CYP2C19: variants seen among roughly 807,000 people sequenced by gnomAD.
The protein encoded by CYP2C19 is cytochrome P450 2C19.
A neutral mutation model predicts 40.9 loss-of-function variants in CYP2C19; 59 were observed. That is an observed-to-expected ratio of 1.44 (90% confidence interval 1.17 to 1.79). CYP2C19 has a LOEUF of 1.79. Ranked by LOEUF, CYP2C19 falls within the 40% of genes most tolerant of loss-of-function variation. The pLI, the probability that CYP2C19 is intolerant of heterozygous loss-of-function variation, is 0.00. For synonymous variants in CYP2C19, 253 were observed against 208.7 expected (o/e 1.21, Z -1.83); for missense variants, 754 against 596.9 (o/e 1.26, Z -2.74).
At chr10:94,794,046 A>C (rs1461419884) in intron 5 of CYP2C19, among the ~76,000 whole-genome samples, 1 of 152,120 alleles carries the variant, frequency 6.6e-6, no homozygotes, top group Non-Finnish European at 1.5e-5. Context: ...AACCTACTCA[A>C]GCCTCAGAAG....
chr10:94,826,471 G>A (rs1380439474), intron 6 of CYP2C19, among the ~76,000 whole-genome samples: 3 of 152,148 alleles, frequency 2.0e-5, no homozygotes, highest in African/African-American at 4.8e-5. Flanking sequence ...TCTATTGTTG[G>A]TGTATAAGAA....
chr10:94,797,585 C>T (rs1848707009), intron 5 of CYP2C19, among the ~76,000 whole-genome samples: 1 of 151,940 alleles, frequency 6.6e-6, no homozygotes, highest in East Asian at 1.9e-4. Context: ...CTTGGTACCT[C>T]TGGTAGAATT....
At chr10:94,840,460 G>A (rs554066441) in intron 6 of CYP2C19, among the ~76,000 whole-genome samples, 9 of 151,834 alleles carry the variant, frequency 5.9e-5, no homozygotes, top group African/African-American at 7.3e-5. Context: ...AGGATGCAGC[G>A]TAGAGACTCC....
chr10:94,815,765 A>G (rs1848992591), intron 5 of CYP2C19, among the ~76,000 whole-genome samples: 1 of 152,170 alleles, frequency 6.6e-6, no homozygotes, highest in Admixed American at 6.5e-5. Context: ...TTGTAAACTC[A>G]TTCTCTTTCT....
rs1848394132 is a variant in CYP2C19, at chr10:94,775,417, G to A, written c.359G>A (p.Trp120Ter). ...FGIVFSNGKRWKEIRRFSLMT... is the reference protein window; with the variant it reads ...FGIVFSNGKR ...ATCGTTTTCAGCAATGGAAAGAGATGGAAGGAGATCCGGCGTTTCTCCCTC... is the reference window on the plus strand; with the variant it reads ...ATCGTTTTCAGCAATGGAAAGAGATAGAAGGAGATCCGGCGTTTCTCCCTC... Residue 120 changes from tryptophan (W) to a stop codon, truncating the protein, a stop_gained, in exon 3 of 9, where the codon TGG (tryptophan) becomes TAG (stop). Transcript: ENST00000371321. LOFTEE classifies it high-confidence loss of function. 1.2e-6 allele frequency: 2 copies of A among 1,613,968 alleles called. No homozygotes were observed.
intron 6 of CYP2C19, among the ~76,000 whole-genome samples, chr10:94,841,202 G>A (rs1484895345): frequency 6.6e-6 from 1 of 152,202 alleles, no homozygotes; most frequent in African/African-American, 2.4e-5. Context: ...GTGGGTCATG[G>A]AAGAGAACCG....
chr10:94,795,812 G>T (rs900049096), intron 5 of CYP2C19, among the ~76,000 whole-genome samples: 2 of 152,094 alleles, frequency 1.3e-5, no homozygotes, highest in African/African-American at 4.8e-5. Context: ...CTTTTGAGAA[G>T]TGTCTGTTCA....
At chr10:94,793,457 A>G (rs1393250790) in intron 5 of CYP2C19, among the ~76,000 whole-genome samples, 2 of 151,876 alleles carry the variant, frequency 1.3e-5, no homozygotes, top group Non-Finnish European at 2.9e-5. Context: ...GAATTTTCAG[A>G]TTTTCTGCTC....
chr10:94,775,280 A>T (rs1848391977), intron 2 of CYP2C19, 60 bp downstream of exon 2: 1 of 1,613,006 alleles, frequency 6.2e-7, no homozygotes, highest in African/African-American at 1.3e-5. Context: ...TGGAAAACAG[A>T]CTAGCAGAGC....
chr10:94,826,889 A>G (rs570293053), intron 6 of CYP2C19, among the ~76,000 whole-genome samples: 10 of 152,182 alleles, frequency 6.6e-5, no homozygotes, highest in Middle Eastern at 3.4e-3. Context: ...ATTTTGTCAA[A>G]GGCCTTTTCT....
Position 94,820,482 on chromosome 10 carries a change from C to T in CYP2C19, c.820-14C>T, listed in dbSNP as rs374921412. 2 of 1,613,854 alleles carry T rather than the reference C, an allele frequency of 1.2e-6. No homozygotes were observed. The highest frequency in any genetic ancestry group is 1.7e-6 in the Non-Finnish European group (2 of 1,179,826). On this transcript the variant is annotated splice_polypyrimidine_tract_variant and intron_variant, in intron 5 of 8. Coordinates refer to ENST00000371321, the MANE Select transcript of CYP2C19 (RefSeq NM_000769.4). ...TAAATAATTTGTCAGATAATTGCATCAAATCATTCCTAGGAAAAGCAAAAC... is the reference window on the plus strand; with the variant it reads ...TAAATAATTTGTCAGATAATTGCATTAAATCATTCCTAGGAAAAGCAAAAC...
In CYP2C19 at chr10:94,790,222, T is replaced by C. The variant is rs1382881385; in HGVS notation, c.819+8225T>C. Reference sequence around the variant, plus strand: ...TATCCTGAGACTTTGCTGAAGTTACTTAACAATTTAAGGGGTTTTGGGCTG... The same window carrying C: ...TATCCTGAGACTTTGCTGAAGTTACCTAACAATTTAAGGGGTTTTGGGCTG... On this transcript the variant is annotated intron_variant, in intron 5 of 8. Coordinates refer to ENST00000371321, the MANE Select transcript of CYP2C19 (RefSeq NM_000769.4). Among the ~76,000 whole-genome samples, 3 of 152,176 alleles carry C rather than the reference T, an allele frequency of 2.0e-5. No individual in the cohort carries two copies. The East Asian group carries it at 5.8e-4, about 29-fold the overall frequency.
chr10:94,775,487 C>T lies in CYP2C19; in HGVS notation c.429C>T (p.Asp143=), dbSNP rs752946864. The change falls in exon 3 of 9, where the codon GAC becomes GAT. Residue 143 remains aspartate, a synonymous_variant. Transcript: ENST00000371321. Reference sequence around the variant, plus strand: ...GGATGGGGAAGAGGAGCATTGAGGACCGTGTTCAAGAGGAAGCCCGCTGCC... The same window carrying T: ...GGATGGGGAAGAGGAGCATTGAGGATCGTGTTCAAGAGGAAGCCCGCTGCC... ...NFGMGKRSIE[D]RVQEEARCLV... 4.3e-6 allele frequency: 7 copies of T among 1,613,982 alleles called. No homozygotes were observed. Among genetic ancestry groups the T allele is most frequent in the South Asian group, 1.1e-5 (1 of 91,068 alleles).
chr10:94,847,943 A>G (rs1296713219), intron 7 of CYP2C19, among the ~76,000 whole-genome samples: 1 of 151,980 alleles, frequency 6.6e-6, no homozygotes, highest in East Asian at 1.9e-4. Flanking sequence ...TTTCTTGTAA[A>G]TTTGTTGGAG....
At chr10:94,824,246 G>A (rs1177362375) in intron 6 of CYP2C19, among the ~76,000 whole-genome samples, 1 of 152,138 alleles carries the variant, frequency 6.6e-6, no homozygotes, top group Non-Finnish European at 1.5e-5. Context: ...GGAAAAAGCA[G>A]TGTGGAAAAA....
Position 94,849,942 on chromosome 10 carries a change from C to T in CYP2C19, c.1175C>T (p.Thr392Ile). The change falls in exon 8 of 9, where the codon ACT (threonine) becomes ATT (isoleucine). Residue 392 changes from threonine to isoleucine, a missense_variant. Physicochemically the swap from Thr to Ile is moderately conservative, Grantham distance 89. Coordinates refer to ENST00000371321, the MANE Select transcript of CYP2C19 (RefSeq NM_000769.4). ...PKGTTILTSLTSVLHDNKEFP... is the reference protein window; with the variant it reads ...PKGTTILTSLISVLHDNKEFP... ...GGCACAACCATATTAACTTCCCTCA[C>T]TTCTGTGCTACATGACAACAAAGAA... is the stretch of plus-strand genomic sequence containing the variant. The T allele has an allele frequency of 6.2e-7, 1 of 1,613,788 alleles. No individual in the cohort carries two copies. The highest frequency in any genetic ancestry group is 1.1e-5 in the South Asian group (1 of 91,072).
At chr10:94,765,391 A>C (rs945555777) in intron 1 of CYP2C19, among the ~76,000 whole-genome samples, 2 of 152,084 alleles carry the variant, frequency 1.3e-5, no homozygotes, top group Non-Finnish European at 1.5e-5. Context: ...CCACATAAGA[A>C]GAATATACCT....
intron 1 of CYP2C19, among the ~76,000 whole-genome samples, chr10:94,772,930 C>T (rs1025928824): frequency 1.1e-4 from 16 of 152,202 alleles, no homozygotes; most frequent in Admixed American, 4.6e-4. Context: ...TACAGGCGCC[C>T]GCCACCGCGC....
intron 4 of CYP2C19, 46 bp from the exon 5 acceptor site, chr10:94,781,775 C>A (rs1315300699): frequency 1.2e-5 from 13 of 1,044,886 alleles, no homozygotes; most frequent in South Asian, 5.2e-5. Context: ...TGTATCTATA[C>A]CTTTATTAAA....
Sources: allele counts gnomAD v4.1 joint callset (sites outside exome capture counted in the v4.1 genomes callset), GRCh38; gene constraint gnomAD v4.1.1; transcripts MANE v1.5; gene names NCBI Gene and HGNC (gene_info 2026-07-23, HGNC 2026-07-21).